Variants in ZNF782 observed in about 807,000 individuals in gnomAD.
ZNF782 encodes the protein zinc finger protein 782.
In ZNF782, 12 loss-of-function variants were observed where a neutral mutation model predicts 13.0. The observed-to-expected ratio is 0.92, with a 90% CI of 0.59 to 1.50. The LOEUF is 1.50. Ranked by LOEUF, ZNF782 falls within the 40% of genes most tolerant of loss-of-function variation. ZNF782 has a pLI of 0.00. For synonymous variants in ZNF782, 284 were observed against 283.0 expected (o/e 1.00, Z -0.04); for missense variants, 770 against 822.9 (o/e 0.94, Z 0.79).
chr9:96,880,408 G>A (rs1376465752), upstream of ZNF782, among the ~76,000 whole-genome samples: 2 of 152,152 alleles, frequency 1.3e-5, no homozygotes, highest in African/African-American at 2.4e-5. Flanking sequence ...TGTGATGCTA[G>A]CTTTAGTTAA....
the ZNF782 span, among the ~76,000 whole-genome samples, chr9:96,920,625 A>G: frequency 6.7e-6 from 1 of 150,086 alleles, no homozygotes; most frequent in African/African-American, 2.4e-5. Context: ...CTTTCAAAAT[A>G]CATTTTTATG....
At chr9:96,908,304 T>C in the ZNF782 span, among the ~76,000 whole-genome samples, 1 of 151,952 alleles carries the variant, frequency 6.6e-6, no homozygotes, top group Non-Finnish European at 1.5e-5. Flanking sequence ...CTTGAACTCC[T>C]GGGTTCAAGC....
At chr9:96,835,263 A>G (rs1850956457) in intron 4 of ZNF782, among the ~76,000 whole-genome samples, 1 of 152,232 alleles carries the variant, frequency 6.6e-6, no homozygotes, top group Admixed American at 6.5e-5. Flanking sequence ...GATAATCTAA[A>G]GATGGAATTT....
At chr9:96,837,431 T>C (rs186827384) in intron 4 of ZNF782, among the ~76,000 whole-genome samples, 9 of 152,334 alleles carry the variant, frequency 5.9e-5, no homozygotes, top group South Asian at 2.1e-4. Context: ...TCCCTTTTTT[T>C]CTGAACTGAT....
chr9:96,875,458 C>A, intron 1 of ZNF782: 1 of 456,668 alleles, frequency 2.2e-6, no homozygotes, highest in East Asian at 7.0e-5. Context: ...CGCCCTCGCC[C>A]CCCGCTTACA....
rs201411107 is a variant in ZNF782, at chr9:96,839,277, CTTTTTTTT to C, written c.142+5605_142+5612del. Among the ~76,000 whole-genome samples the C allele has an allele frequency of 3.7e-3, 371 of 100,246 alleles. 1 individual carries two copies. The highest frequency in any genetic ancestry group is 0.011 in the African/African-American group (347 of 32,026). The allele number at this position is 100,246 out of a possible 152,430, so 65.8% of individuals were successfully genotyped here. A position where few individuals can be genotyped will look rare whatever the true frequency, so the allele number is the denominator to read the frequency against. On this transcript the variant is annotated intron_variant, in intron 4 of 5. Transcript: ENST00000481138. ...TAGAGGAAGCAGGCTTTACTTGGGA[CTTTTTTTT>C]TTTTTTTTTTTTTGTCTGTACCAAT...
At chr9:96,893,482 G>T in the ZNF782 span, 1 of 152,114 alleles carries the variant, frequency 6.6e-6, no homozygotes, top group East Asian at 1.9e-4. Context: ...ATTCCTCAGG[G>T]ATCTAGAACT....
chr9:96,892,843 G>T, the ZNF782 span: 1 of 149,820 alleles, frequency 6.7e-6, no homozygotes, highest in South Asian at 2.1e-4. Flanking sequence ...GTGCATGTCT[G>T]TATTTTTAAC....
the ZNF782 span, among the ~76,000 whole-genome samples, chr9:96,884,171 G>A: frequency 6.6e-6 from 1 of 152,218 alleles, no homozygotes; most frequent in Non-Finnish European, 1.5e-5. Flanking sequence ...GAAGTGGGTG[G>A]CAGGAGGAGC....
chr9:96,898,636 T>G, the ZNF782 span, among the ~76,000 whole-genome samples: 1 of 147,328 alleles, frequency 6.8e-6, no homozygotes, highest in Non-Finnish European at 1.5e-5. Context: ...AACCTCTGCC[T>G]CCCGGGCTCA....
the ZNF782 span, among the ~76,000 whole-genome samples, chr9:96,881,809 GTAAA>G: frequency 6.6e-6 from 1 of 151,766 alleles, no homozygotes; most frequent in African/African-American, 2.4e-5. Flanking sequence ...TCACACTATC[GTAAA>G]TACTGTAGTT....
chr9:96,900,678 T>C, the ZNF782 span, among the ~76,000 whole-genome samples: 38 of 152,238 alleles, frequency 2.5e-4, no homozygotes, highest in Middle Eastern at 3.4e-3. Flanking sequence ...GAGGCAGAGA[T>C]TGCAGTGAGC....
At chr9:96,882,170 A>C in the ZNF782 span, among the ~76,000 whole-genome samples, 1 of 152,122 alleles carries the variant, frequency 6.6e-6, no homozygotes, top group Non-Finnish European at 1.5e-5. Flanking sequence ...AAAAGGCCTA[A>C]ATTCATTAAG....
At chr9:96,827,379 A>C (rs1248077720) in intron 4 of ZNF782, among the ~76,000 whole-genome samples, 198 bp from the exon 5 acceptor site, 1 of 151,974 alleles carries the variant, frequency 6.6e-6, no homozygotes, top group Non-Finnish European at 1.5e-5. Context: ...ACTCAGGCTG[A>C]AGTGCAGTGG....
chr9:96,818,062 G>C lies in ZNF782; in HGVS notation c.1961C>G (p.Ala654Gly). The C allele has an allele frequency of 6.2e-7, 1 of 1,613,988 alleles. No individual in the cohort carries two copies. The highest frequency in any genetic ancestry group is 8.5e-7 in the Non-Finnish European group (1 of 1,179,982). ...KPYNCNQCGE[A>G]FSQKSNLRVH... ...TCTGAGATTGGATTTCTGACTGAAA[G>C]CTTCCCCACACTGATTACAATTATA... Residue 654 changes from alanine to glycine, a missense_variant, in exon 6 of 6, where the codon GCT becomes GGT. Coordinates refer to ENST00000481138, the MANE Select transcript of ZNF782 (RefSeq NM_001001662.3).
chr9:96,824,077 C>T lies in ZNF782; in HGVS notation c.244+3003G>A, dbSNP rs1165227495. On this transcript the variant is annotated intron_variant, in intron 5 of 5. Transcript: ENST00000481138. ...TATGAGGCCAGCATCATCCTGATACCAAAGCCAGGCAGAGACACAACCAAA... is the reference window on the plus strand; with the variant it reads ...TATGAGGCCAGCATCATCCTGATACTAAAGCCAGGCAGAGACACAACCAAA... 2.6e-5 allele frequency among the ~76,000 whole-genome samples: 4 copies of T among 152,010 alleles called. No individual in the cohort carries two copies. In the East Asian group the frequency reaches 5.8e-4, roughly 22 times the overall value.
chr9:96,846,266 C>T (rs1851337323), intron 3 of ZNF782, among the ~76,000 whole-genome samples: 1 of 152,078 alleles, frequency 6.6e-6, no homozygotes, highest in Non-Finnish European at 1.5e-5. Flanking sequence ...ACTCACAGGA[C>T]CTATAAACCA....
rs1311626264 is a variant in ZNF782, at chr9:96,817,992, A to G, written c.2031T>C (p.Asp677=). The part of the protein sequence containing the change: ...THTGEKPYKC[D]KCGRTFSQKS... ...TTTGACTGAAAGTTCTCCCACATTT[A>G]TCACATTTATAGGGTTTCTCCCCTG... The change falls in exon 6 of 6, where the codon GAT becomes GAC. Residue 677 remains aspartate (D), a synonymous_variant. Transcript: ENST00000481138. 6.2e-7 allele frequency: 1 copy of G among 1,608,644 alleles called. No homozygotes were observed. Among genetic ancestry groups the G allele is most frequent in the Non-Finnish European group, 8.5e-7 (1 of 1,178,340 alleles).
intron 1 of ZNF782, among the ~76,000 whole-genome samples, chr9:96,866,292 C>T (rs7036880): frequency 0.31 from 46,943 of 151,992 alleles, 8,430 homozygotes; most frequent in Admixed American, 0.4. Context: ...AGGAACTTGG[C>T]GCCCTGTGTC....
Sources: gnomAD v4.1 joint callset for allele counts (sites outside exome capture counted in the v4.1 genomes callset) on GRCh38, gnomAD v4.1.1 for gene constraint, MANE v1.5 for transcripts, NCBI Gene and HGNC (gene_info 2026-07-23, HGNC 2026-07-21) for gene names.